The following GRIP1 variants were observed in gnomAD, a reference collection of about 807,000 sequenced individuals.
GRIP1 encodes the protein glutamate receptor-interacting protein 1.
Under a neutral mutation model 129.9 loss-of-function variants are expected in GRIP1, and 45 were observed. The observed-to-expected ratio is 0.35, with a 90% CI of 0.27 to 0.44. The LOEUF (loss-of-function observed/expected upper bound fraction) is 0.44, where lower values mean the gene tolerates loss of function less well. GRIP1 is among the 20% of genes least tolerant of loss of function. The probability of loss-of-function intolerance (pLI) is 1.00; values close to 1 mark genes in which losing one functional copy is unlikely to be tolerated. For synonymous variants in GRIP1, 530 were observed against 520.8 expected (o/e 1.02, Z -0.24); for missense variants, 1,196 against 1,396.8 (o/e 0.86, Z 2.29).
rs1425591583 is a variant in GRIP1 at position 66,707,333 on chromosome 12, T to G, written c.-419-76997A>C. The stretch of plus-strand genomic sequence containing the variant: ...AGGAATTATTTATTATTACTGCTGA[T>G]TTACACACTTATTTTGACAGGTTAA... On this transcript the variant is annotated intron_variant, in intron 1 of 4. Coordinates refer to the GRIP1 transcript ENST00000538373. 2.0e-5 allele frequency among the ~76,000 whole-genome samples: 3 copies of G among 151,912 alleles called. No individual in the cohort carries two copies. In the East Asian group the frequency reaches 5.8e-4, roughly 30 times the overall value.
chr12:66,444,647 G>C lies in GRIP1; in HGVS notation c.1624C>G (p.Gln542Glu). 6.2e-7 allele frequency: 1 copy of C among 1,613,900 alleles called. No homozygotes were observed. Among genetic ancestry groups the C allele is most frequent in the Non-Finnish European group, 8.5e-7 (1 of 1,179,842 alleles). ...GTGATTGAAGAGTCTCGGAGGAGCT[G>C]ACTGGCTTCTTCGAAGGTGCTGTCT... ...TEDSTFEEAS[Q>E]LLRDSSITSK... The change falls in exon 13 of 25, where the codon CAG becomes GAG. Residue 542 changes from glutamine (Q) to glutamate (E), a missense_variant. Gln to Glu is a conservative substitution (Grantham distance 29, BLOSUM62 2). This residue lies in a region of GRIP1 where 508 missense variants were observed against 587.0 expected (regional missense o/e 0.87). Transcript: ENST00000359742.
At chr12:67,044,302 C>T (rs2043222020) in intron 1 of GRIP1, among the ~76,000 whole-genome samples, 1 of 152,134 alleles carries the variant, frequency 6.6e-6, no homozygotes, top group Non-Finnish European at 1.5e-5. Flanking sequence ...ATTTAATATG[C>T]GAATTGCTCC....
At chr12:66,619,659 T>C (rs1350395521) in intron 1 of GRIP1, among the ~76,000 whole-genome samples, 1 of 152,210 alleles carries the variant, frequency 6.6e-6, no homozygotes, top group East Asian at 1.9e-4. Context: ...TTTTTAATTT[T>C]TATCTGCTTT....
At chr12:66,660,369 T>C (rs950333211) in intron 1 of GRIP1, among the ~76,000 whole-genome samples, 1 of 152,170 alleles carries the variant, frequency 6.6e-6, no homozygotes, top group Admixed American at 6.6e-5. Context: ...ATTGTTCTTA[T>C]GTCATGGGTA....
intron 1 of GRIP1, among the ~76,000 whole-genome samples, chr12:66,818,786 C>T (rs2136977363): frequency 6.6e-6 from 1 of 152,222 alleles, no homozygotes; most frequent in Admixed American, 6.5e-5. Flanking sequence ...TACTAAAGCT[C>T]CAGAGGTGTT....
At chr12:66,954,901 G>A (rs560311737) in intron 1 of GRIP1, among the ~76,000 whole-genome samples, 4 of 152,294 alleles carry the variant, frequency 2.6e-5, no homozygotes, top group Admixed American at 2.0e-4. Context: ...CAAGTTCCAG[G>A]AAGAAGGACT....
At chr12:66,797,777 C>T (rs2038743055) in intron 1 of GRIP1, among the ~76,000 whole-genome samples, 1 of 152,118 alleles carries the variant, frequency 6.6e-6, no homozygotes, top group African/African-American at 2.4e-5. Flanking sequence ...TGAGAGGAGC[C>T]TCTTGATCCT....
At chr12:66,544,147 T>C (rs1221130385) in intron 2 of GRIP1, among the ~76,000 whole-genome samples, 1 of 152,332 alleles carries the variant, frequency 6.6e-6, no homozygotes, top group African/African-American at 2.4e-5. Context: ...ATTATTAAAA[T>C]ATAAATTCAT....
chr12:66,771,092 C>T (rs1168256082), intron 1 of GRIP1, among the ~76,000 whole-genome samples: 1 of 151,610 alleles, frequency 6.6e-6, no homozygotes, highest in African/African-American at 2.4e-5. Flanking sequence ...GACTCTGTCT[C>T]AAAAGAAAGA....
At chr12:66,840,372 G>A (rs1393895100) in intron 1 of GRIP1, among the ~76,000 whole-genome samples, 1 of 152,118 alleles carries the variant, frequency 6.6e-6, no homozygotes, top group Non-Finnish European at 1.5e-5. Flanking sequence ...TAATACAATT[G>A]TGAAAACCCA....
intron 1 of GRIP1, among the ~76,000 whole-genome samples, chr12:66,936,442 A>C (rs959351564): frequency 2.6e-5 from 4 of 151,822 alleles, no homozygotes; most frequent in African/African-American, 9.7e-5. Context: ...AAAAAAAAAA[A>C]AAAAAGGTGG....
intron 1 of GRIP1, among the ~76,000 whole-genome samples, chr12:66,904,015 G>A (rs977972659): frequency 1.3e-5 from 2 of 152,184 alleles, no homozygotes; most frequent in African/African-American, 2.4e-5. Context: ...TATTTCTTCA[G>A]CAAGAAGGCA....
intron 1 of GRIP1, among the ~76,000 whole-genome samples, chr12:66,814,984 C>T (rs1366721955): frequency 1.3e-5 from 2 of 152,152 alleles, no homozygotes; most frequent in Admixed American, 6.5e-5. Context: ...TTACCTCCAC[C>T]TGGTCCTGCG....
chr12:66,725,271 C>G (rs1200365063), intron 1 of GRIP1, among the ~76,000 whole-genome samples: 3 of 152,032 alleles, frequency 2.0e-5, no homozygotes, highest in African/African-American at 7.3e-5. Context: ...CCACTGCACT[C>G]CAGTCTGGGC....
intron 7 of GRIP1, among the ~76,000 whole-genome samples, chr12:66,490,605 T>C (rs962775590): frequency 6.6e-6 from 1 of 151,346 alleles, no homozygotes; most frequent in African/African-American, 2.4e-5. Context: ...AAAGCAAAAA[T>C]TGACAAATGA....
At chr12:67,047,311 T>C (rs1357929364) in intron 1 of GRIP1, among the ~76,000 whole-genome samples, 1 of 152,210 alleles carries the variant, frequency 6.6e-6, no homozygotes, top group Non-Finnish European at 1.5e-5. Context: ...ATTCTTATTA[T>C]AGAAAATTTG....
chr12:66,729,791 G>T (rs1002996351), intron 1 of GRIP1, among the ~76,000 whole-genome samples: 10 of 152,064 alleles, frequency 6.6e-5, no homozygotes, highest in Non-Finnish European at 1.5e-4. Flanking sequence ...AGCCAGCATG[G>T]TCTCGATCTC....
chr12:66,581,877 A>C (rs1458392119), intron 2 of GRIP1, among the ~76,000 whole-genome samples: 3 of 152,170 alleles, frequency 2.0e-5, no homozygotes, highest in Non-Finnish European at 4.4e-5. Context: ...TCAATAGAAA[A>C]AGAGGGAATC....
At chr12:66,739,753 A>T (rs565537103) in intron 1 of GRIP1, among the ~76,000 whole-genome samples, 54 of 152,076 alleles carry the variant, frequency 3.6e-4, no homozygotes, top group African/African-American at 8.7e-4. Flanking sequence ...TAAAATAAAA[A>T]AAAAAAAACC....
Sources: allele counts gnomAD v4.1 joint callset (sites outside exome capture counted in the v4.1 genomes callset), GRCh38; gene constraint gnomAD v4.1.1; regional missense constraint gnomAD v4.1.1; transcripts MANE v1.5; gene names NCBI Gene and HGNC (gene_info 2026-07-23, HGNC 2026-07-21).